Variants in RRBP1 observed in about 807,000 individuals in gnomAD.
RRBP1 encodes the protein ribosome-binding protein 1.
Under a neutral mutation model 165.2 loss-of-function variants are expected in RRBP1, and 94 were observed. The observed-to-expected ratio is 0.57, with a 90% CI of 0.48 to 0.68. The LOEUF (loss-of-function observed/expected upper bound fraction) is 0.68, where lower values mean the gene tolerates loss of function less well. Among genes scored for constraint, RRBP1 ranks in the 30% least tolerant of loss-of-function variants. The pLI is 0.00. For missense variants in RRBP1, 1,676 were observed against 1,763.0 expected (o/e 0.95, Z 0.88); for synonymous variants, 680 against 714.5 (o/e 0.95, Z 0.77).
intron 3 of RRBP1, among the ~76,000 whole-genome samples, chr20:17,647,269 G>A (rs2036481243): frequency 6.6e-6 from 1 of 152,268 alleles, no homozygotes; most frequent in Admixed American, 6.5e-5. Context: ...CCATAAGGCA[G>A]AAGAGTGACA....
intron 11 of RRBP1, among the ~76,000 whole-genome samples, chr20:17,626,358 T>C (rs769400248): frequency 1.4e-4 from 21 of 152,146 alleles, no homozygotes; most frequent in Non-Finnish European, 3.1e-4. Context: ...CCCATGCTTT[T>C]TGGGAAAGGA....
rs7273542 is a variant in RRBP1 at position 17,673,878 on chromosome 20, G to A, written c.-22+6121C>T. 6.0e-3 allele frequency among the ~76,000 whole-genome samples: 920 copies of A among 152,238 alleles called. 13 individuals carry two copies. The highest frequency in any genetic ancestry group is 0.021 in the African/African-American group (884 of 41,534). On this transcript the variant is annotated intron_variant, in intron 2 of 24. Coordinates refer to ENST00000377813, the MANE Select transcript of RRBP1 (RefSeq NM_001365613.2). ...ACCAATAAGACTTTTTTCATTAAGA[G>A]TCTCAATAATTCATTTATTCTTCAG...
intron 9 of RRBP1, among the ~76,000 whole-genome samples, chr20:17,629,242 C>T (rs1296295712): frequency 1.3e-5 from 2 of 152,336 alleles, no homozygotes; most frequent in Admixed American, 1.3e-4. Context: ...TCGGGAAGCG[C>T]CAGTGAGCCA....
At chr20:17,660,659 A>G in intron 2 of RRBP1, 131 bp from the exon 3 acceptor site, 7 of 630,986 alleles carry the variant, frequency 1.1e-5, no homozygotes. Context: ...GAAGAAACAA[A>G]CCCAGGCACT....
At chr20:17,637,193 G>A (rs547571145) in intron 5 of RRBP1, among the ~76,000 whole-genome samples, 4 of 152,082 alleles carry the variant, frequency 2.6e-5, no homozygotes, top group Admixed American at 1.3e-4. Context: ...TGCCAGTTCC[G>A]CCGTGGCTGG....
chr20:17,614,347 G>T (rs917315360), intron 24 of RRBP1, 127 bp from the exon 25 acceptor site: 2 of 871,774 alleles, frequency 2.3e-6, no homozygotes. Flanking sequence ...GTCCCTCAGA[G>T]AACAGGAGCC....
At position 17,635,511 on chromosome 20, in the gene RRBP1, T is replaced by C. The variant is rs202177196; in HGVS notation, c.2456+35A>G. ...TGAAGCCTTCCTCGCTCCAGGGCCCTTGGGGAGGTGCTGAGGCAGGAAAGC... is the reference window on the plus strand; with the variant it reads ...TGAAGCCTTCCTCGCTCCAGGGCCCCTGGGGAGGTGCTGAGGCAGGAAAGC... On this transcript the variant is annotated intron_variant, in intron 7 of 24. Transcript: ENST00000377813. 3.6e-5 allele frequency: 54 copies of C among 1,509,214 alleles called. No individual in the cohort carries two copies. The East Asian group carries it at 8.4e-4, about 23-fold the overall frequency. 93.5% of individuals were successfully genotyped at this position (1,509,214 alleles called of 1,614,324 possible).
At chr20:17,629,190 C>A (rs530153505) in intron 9 of RRBP1, among the ~76,000 whole-genome samples, 2 of 152,258 alleles carry the variant, frequency 1.3e-5, no homozygotes, top group African/African-American at 4.8e-5. Flanking sequence ...CCCAGTCCAG[C>A]CCAGCCCGGC....
chr20:17,641,695 G>T, intron 5 of RRBP1, 102 bp downstream of exon 5: 1 of 1,408,878 alleles, frequency 7.1e-7, no homozygotes, highest in Non-Finnish European at 9.9e-7. Flanking sequence ...TACGTTCCAG[G>T]CAGGCCCCAG....
chr20:17,616,053 C>T (rs775889664), intron 21 of RRBP1, 44 bp from the exon 22 acceptor site: 1 of 1,547,870 alleles, frequency 6.5e-7, no homozygotes, highest in Admixed American at 1.7e-5. Context: ...CGGTGAGGAA[C>T]CCTCCAGGGG....
chr20:17,664,251 G>T (rs1469353416), intron 2 of RRBP1, among the ~76,000 whole-genome samples: 1 of 152,194 alleles, frequency 6.6e-6, no homozygotes, highest in Admixed American at 6.5e-5. Context: ...GCACAGGCAG[G>T]TAACACAGAC....
rs181202443 is a variant in RRBP1, at chr20:17,620,269, G to C, written c.3579+30C>G. 44 of 1,560,628 alleles carry C rather than the reference G, an allele frequency of 2.8e-5. No homozygotes were observed. In the African/African-American group the frequency reaches 4.1e-4, roughly 14 times the overall value. ...ACTTTCAAAGAGGCTCCCGGGACAA[G>C]AGAAAGAGTTCTCTGAGCAGAGCAC... On this transcript the variant is annotated intron_variant, in intron 18 of 24. Coordinates refer to ENST00000377813, the MANE Select transcript of RRBP1 (RefSeq NM_001365613.2).
rs370933929 is a variant in RRBP1, at chr20:17,633,539, G to A, written c.2531C>T (p.Ala844Val). ...CCGCTGCTGCTCATCTTGCCGCACA[G>A]CCTCTGACTTCTCCACCAGCTCTTT... The part of the protein sequence containing the change: ...VSKELVEKSE[A>V]VRQDEQQRKA... The change falls in exon 8 of 25, where the codon GCT becomes GTT. Residue 844 changes from alanine (A) to valine (V), a missense_variant. Transcript: ENST00000377813. 33 of 1,613,948 alleles carry A rather than the reference G, an allele frequency of 2.0e-5. No individual in the cohort carries two copies. Among genetic ancestry groups the A allele is most frequent in the Non-Finnish European group, 2.8e-5 (33 of 1,180,048 alleles).
rs944673985 is a variant in RRBP1, at chr20:17,637,530, G to C, written c.2185-801C>G. ...GTGAATACATATCATAAACACAGCA[G>C]GCCTGAGTGACCAGGGCACAAGCGT... On this transcript the variant is annotated intron_variant, in intron 5 of 24. Coordinates refer to ENST00000377813, the MANE Select transcript of RRBP1 (RefSeq NM_001365613.2). Among the ~76,000 whole-genome samples the C allele has an allele frequency of 2.0e-5, 3 of 152,186 alleles. No individual in the cohort carries two copies. In the South Asian group the frequency reaches 6.2e-4, roughly 31 times the overall value.
intron 5 of RRBP1, among the ~76,000 whole-genome samples, chr20:17,638,113 G>A (rs914686903): frequency 6.6e-6 from 1 of 152,210 alleles, no homozygotes. Context: ...TGGGGAAAGG[G>A]AGGACAGCTT....
At chr20:17,649,594 T>G (rs887109375) in intron 3 of RRBP1, among the ~76,000 whole-genome samples, 4 of 8,312 alleles carry the variant, frequency 4.8e-4, no homozygotes, top group African/African-American at 2.8e-3. Context: ...CGTGGGTGGG[T>G]GGGTGGGTGA....
At chr20:17,651,873 G>A (rs2036565765) in intron 3 of RRBP1, among the ~76,000 whole-genome samples, 1 of 152,246 alleles carries the variant, frequency 6.6e-6, no homozygotes, top group Non-Finnish European at 1.5e-5. Context: ...TGCTCTTGGA[G>A]GAAAATCAGA....
rs1163234984 is a variant in RRBP1, at chr20:17,662,277, C to CA, written c.-21-1750dup. Among the ~76,000 whole-genome samples the CA allele has an allele frequency of 4.2e-3, 587 of 138,756 alleles. 2 individuals are homozygous for CA. The highest frequency in any genetic ancestry group is 6.3e-3 in the Non-Finnish European group (398 of 63,124). The allele number at this position is 138,756 out of a possible 152,430, so 91.0% of individuals were successfully genotyped here. ...GACTCCGTCTCAAAAAAAAAATTTTCAAAAAAAAAAAAATCACTCTCATCA... is the reference window on the plus strand; with the variant it reads ...GACTCCGTCTCAAAAAAAAAATTTTCAAAAAAAAAAAAAATCACTCTCATCA... On this transcript the variant is annotated intron_variant, in intron 2 of 24. Transcript: ENST00000377813.
At position 17,660,371 on chromosome 20, in the gene RRBP1, C is replaced by A; in HGVS notation, c.137G>T (p.Arg46Leu). ...TSYEEALANQ[R>L]KEMAKTHHQK... ...GTGGTGAGTTTTCGCCATCTCCTTG[C>A]GCTGGTTGGCTAGGGCTTCTTCATA... Residue 46 changes from arginine (R) to leucine (L), a missense_variant, in exon 3 of 25, where the codon CGC (arginine) becomes CTC (leucine). Arg to Leu is a moderately radical substitution (Grantham distance 102). Coordinates refer to ENST00000377813, the MANE Select transcript of RRBP1 (RefSeq NM_001365613.2). 6.2e-7 allele frequency: 1 copy of A among 1,614,072 alleles called. No homozygotes were observed. The highest frequency in any genetic ancestry group is 8.5e-7 in the Non-Finnish European group (1 of 1,180,006).
Sources: gnomAD v4.1 joint callset for allele counts (sites outside exome capture counted in the v4.1 genomes callset) on GRCh38, gnomAD v4.1.1 for gene constraint, MANE v1.5 for transcripts, NCBI Gene and HGNC (gene_info 2026-07-23, HGNC 2026-07-21) for gene names.